COLEC12: variants seen among roughly 807,000 people sequenced by gnomAD.
COLEC12 encodes collectin subfamily member 12.
Under a neutral mutation model 71.1 loss-of-function variants are expected in COLEC12, and 33 were observed. The ratio of observed to expected loss-of-function variants is 0.46; its 90% CI spans 0.35 to 0.62. The LOEUF (loss-of-function observed/expected upper bound fraction) is 0.62, where lower values mean the gene tolerates loss of function less well. Ranked by LOEUF, COLEC12 falls within the 20% of genes least tolerant of loss-of-function variation. The pLI is 0.00. For synonymous variants in COLEC12, 350 were observed against 353.0 expected (o/e 0.99, Z 0.10); for missense variants, 765 against 916.1 (o/e 0.84, Z 2.13).
At chr18:379,487 A>G (rs761195864) in intron 2 of COLEC12, among the ~76,000 whole-genome samples, 3 of 152,170 alleles carry the variant, frequency 2.0e-5, no homozygotes, top group Admixed American at 6.5e-5. Context: ...CCATGCAACT[A>G]AAAGTTTTGG....
intron 2 of COLEC12, among the ~76,000 whole-genome samples, chr18:415,010 C>G (rs1915960004): frequency 6.6e-6 from 1 of 152,088 alleles, no homozygotes. Flanking sequence ...AACTACTGTC[C>G]CAAAGACAAG....
At chr18:325,911 G>A (rs966552122) in intron 8 of COLEC12, among the ~76,000 whole-genome samples, 20 of 151,940 alleles carry the variant, frequency 1.3e-4, no homozygotes, top group African/African-American at 3.9e-4. Context: ...CAATCCTCCC[G>A]CCTTCGCCTC....
chr18:346,504 T>G lies in COLEC12; in HGVS notation c.1118A>C (p.Asp373Ala), dbSNP rs779908281. The change falls in exon 5 of 10, where the codon GAT (aspartate) becomes GCT (alanine). Residue 373 changes from aspartate to alanine, a missense_variant. Physicochemically the swap from Asp to Ala is moderately radical, Grantham distance 126 (BLOSUM62 -2). Coordinates refer to ENST00000400256, the MANE Select transcript of COLEC12 (RefSeq NM_130386.3). This position sits in a 1 kb window ranked among gnomAD's most constrained non-coding sequence, Gnocchi z 4.0. Reference protein sequence around the residue: ...NLNEVRTTCTDTLTKHTDDLT... With the variant: ...NLNEVRTTCTATLTKHTDDLT... ...ATCATCTGTGTGTTTGGTAAGGGTATCTGTGCAAGTGGTCCTGACTTCATT... is the reference window on the plus strand; with the variant it reads ...ATCATCTGTGTGTTTGGTAAGGGTAGCTGTGCAAGTGGTCCTGACTTCATT... 1 of 1,614,198 alleles carries G rather than the reference T, an allele frequency of 6.2e-7. No homozygotes were observed. The highest frequency in any genetic ancestry group is 8.5e-7 in the Non-Finnish European group (1 of 1,180,036).
chr18:345,850 G>A (rs1567878945), intron 5 of COLEC12, among the ~76,000 whole-genome samples: 1 of 152,248 alleles, frequency 6.6e-6, no homozygotes, highest in Non-Finnish European at 1.5e-5. Context: ...TGGACTTAGT[G>A]ACTTATTTCT....
At chr18:333,203 T>A in intron 6 of COLEC12, 60 bp from the exon 7 acceptor site, 1 of 1,468,862 alleles carries the variant, frequency 6.8e-7, no homozygotes, top group South Asian at 1.3e-5. Context: ...TCTGCCTTTC[T>A]TCAGCTGTGT....
intron 8 of COLEC12, among the ~76,000 whole-genome samples, chr18:328,836 G>A (rs575041446): frequency 8.5e-5 from 13 of 152,214 alleles, no homozygotes; most frequent in Non-Finnish European, 1.3e-4. Context: ...TCCCTCCCTC[G>A]GCTGCACTGG....
chr18:406,372 G>A (rs908657537), intron 2 of COLEC12, among the ~76,000 whole-genome samples: 20 of 151,638 alleles, frequency 1.3e-4, no homozygotes, highest in African/African-American at 2.2e-4. Flanking sequence ...AGCCAGGCGC[G>A]GTGGCGGGCG....
rs377339265 is a variant in COLEC12, at chr18:413,164, G to T, written c.59-55642C>A. Reference sequence around the variant, plus strand: ...TTAACTGAACGACAAAAATACAAATGATCTCATTTGAATATGGGCAGAAGA... The same window carrying T: ...TTAACTGAACGACAAAAATACAAATTATCTCATTTGAATATGGGCAGAAGA... On this transcript the variant is annotated intron_variant, in intron 2 of 9. Transcript: ENST00000400256. Among the ~76,000 whole-genome samples the T allele has an allele frequency of 7.9e-5, 12 of 152,280 alleles. No individual in the cohort carries two copies. The East Asian group carries it at 2.3e-3, about 29-fold the overall frequency.
At chr18:409,797 CATATATGAGCATG>C (rs1368161763) in intron 2 of COLEC12, among the ~76,000 whole-genome samples, 1 of 152,148 alleles carries the variant, frequency 6.6e-6, no homozygotes, top group Non-Finnish European at 1.5e-5. Flanking sequence ...ACATACCATG[CATATATGAGCATG>C]TTTCACCTAC....
chr18:453,774 A>C (rs1916809746), intron 2 of COLEC12, among the ~76,000 whole-genome samples: 2 of 152,202 alleles, frequency 1.3e-5, no homozygotes, highest in African/African-American at 4.8e-5. Flanking sequence ...GACATAATAA[A>C]GACAAAATTC....
intron 8 of COLEC12, among the ~76,000 whole-genome samples, chr18:329,843 C>A (rs1226294238): frequency 6.6e-6 from 1 of 152,178 alleles, no homozygotes; most frequent in Admixed American, 6.5e-5. Context: ...TTTGCGAGGC[C>A]AAGGTGGGAG....
intron 2 of COLEC12, among the ~76,000 whole-genome samples, chr18:401,565 T>G (rs1915687094): frequency 6.6e-6 from 1 of 152,238 alleles, no homozygotes; most frequent in Admixed American, 6.5e-5. Flanking sequence ...TTGTCCTTAG[T>G]GCTCAGCGAC....
At position 333,079 on chromosome 18, in the gene COLEC12, A is replaced by C. The variant is rs1375340118; in HGVS notation, c.1881T>G (p.Ile627Met). 1 of 1,612,760 alleles carries C rather than the reference A, an allele frequency of 6.2e-7. No homozygotes were observed. Among genetic ancestry groups the C allele is most frequent in the Non-Finnish European group, 8.5e-7 (1 of 1,179,374 alleles). The change falls in exon 7 of 10, where the codon ATT (isoleucine) becomes ATG (methionine). Residue 627 changes from isoleucine (I) to methionine (M), a missense_variant. Coordinates refer to ENST00000400256, the MANE Select transcript of COLEC12 (RefSeq NM_130386.3). Reference protein sequence around the residue: ...KCYYFSVEKEIFEDAKLFCED... With the variant: ...KCYYFSVEKEMFEDAKLFCED... The stretch of plus-strand genomic sequence containing the variant: ...CACAGAAAAGCTTTGCATCCTCAAA[A>C]ATTTCTTTCTCAACTGAAAAATAGT...
At chr18:377,464 C>A (rs536902301) in intron 2 of COLEC12, among the ~76,000 whole-genome samples, 1 of 152,192 alleles carries the variant, frequency 6.6e-6, no homozygotes, top group Non-Finnish European at 1.5e-5. Flanking sequence ...CAGTTACAGG[C>A]GTATCCCCTG....
chr18:386,251 A>G (rs1915343290), intron 2 of COLEC12, among the ~76,000 whole-genome samples: 1 of 152,212 alleles, frequency 6.6e-6, no homozygotes. Context: ...AATGTATTGA[A>G]CATTGTTGAG....
intron 2 of COLEC12, among the ~76,000 whole-genome samples, chr18:434,310 C>G (rs1387130774): frequency 6.6e-6 from 1 of 152,088 alleles, no homozygotes; most frequent in Non-Finnish European, 1.5e-5. Flanking sequence ...TTTGAAAATG[C>G]AAGAAACAAA....
chr18:421,192 A>G (rs116059969), intron 2 of COLEC12, among the ~76,000 whole-genome samples: 98 of 152,366 alleles, frequency 6.4e-4, no homozygotes, highest in African/African-American at 2.1e-3. Context: ...ATAGAAAAAC[A>G]AGATGAATGC....
At chr18:498,658 C>T (rs1567927132) in intron 1 of COLEC12, among the ~76,000 whole-genome samples, 2 of 151,912 alleles carry the variant, frequency 1.3e-5, no homozygotes, top group Non-Finnish European at 2.9e-5. Flanking sequence ...CACCGCGCCC[C>T]GCTGGAATAT....
At chr18:466,405 C>T (rs1045113408) in intron 2 of COLEC12, among the ~76,000 whole-genome samples, 6 of 152,182 alleles carry the variant, frequency 3.9e-5, no homozygotes, top group Non-Finnish European at 5.9e-5. Context: ...TCCAGTTTGT[C>T]TCCTTCCTTT....
Sources: gnomAD v4.1 joint callset for allele counts (sites outside exome capture counted in the v4.1 genomes callset) on GRCh38, gnomAD v4.1.1 for gene constraint, Gnocchi (gnomAD v3.1) non-coding constraint, MANE v1.5 for transcripts, NCBI Gene and HGNC (gene_info 2026-07-23, HGNC 2026-07-21) for gene names.